PPIL6: variants seen among roughly 807,000 people sequenced by gnomAD.
PPIL6 encodes probable inactive peptidyl-prolyl cis-trans isomerase-like 6.
PPIL6 carries 39 observed loss-of-function variants against 36.8 expected under a neutral mutation model. The ratio of observed to expected loss-of-function variants is 1.06; its 90% CI spans 0.82 to 1.38. PPIL6 has a LOEUF of 1.38. Among genes scored for constraint, PPIL6 ranks in the 40% most tolerant of loss-of-function variants. PPIL6 has a pLI of 0.00. For synonymous variants in PPIL6, 123 were observed against 134.1 expected (o/e 0.92, Z 0.57); for missense variants, 368 against 379.1 (o/e 0.97, Z 0.24).
chr6:109,392,461 C>T lies in PPIL6; in HGVS notation c.*365G>A, dbSNP rs1772129900. The T allele has an allele frequency of 5.7e-6, 1 of 176,106 alleles. No individual in the cohort carries two copies. Among genetic ancestry groups the T allele is most frequent in the South Asian group, 1.6e-4 (1 of 6,066 alleles). 10.9% of individuals were successfully genotyped at this position (176,106 alleles called of 1,614,324 possible). A position where few individuals can be genotyped will look rare whatever the true frequency, so the allele number is the denominator to read the frequency against. ...GGATTACAGGCGTGAGCTACCACAC[C>T]TGGCCTCAGCCTTTTCTTTATGGCC... On this transcript the variant is annotated 3_prime_UTR_variant, in exon 8 of 8. Transcript: ENST00000521072.
At position 109,392,739 on chromosome 6, in the gene PPIL6, A is replaced by G; in HGVS notation, c.*87T>C. The G allele has an allele frequency of 1.2e-6, 1 of 845,394 alleles. No individual in the cohort carries two copies. The highest frequency in any genetic ancestry group is 2.6e-5 in the East Asian group (1 of 38,384). The allele number at this position is 845,394 out of a possible 1,614,324, so 52.4% of individuals were successfully genotyped here. On this transcript the variant is annotated 3_prime_UTR_variant, in exon 8 of 8. Transcript: ENST00000521072. ...GTGTCTGCCACGGCTTTCAAATTACAATTTATCAAGTACTTTTTAATTAAA... is the reference window on the plus strand; with the variant it reads ...GTGTCTGCCACGGCTTTCAAATTACGATTTATCAAGTACTTTTTAATTAAA...
At chr6:109,427,296 A>G (rs1773875504) in intron 3 of PPIL6, 140 bp from the exon 4 acceptor site, 2 of 542,866 alleles carry the variant, frequency 3.7e-6, no homozygotes, top group Non-Finnish European at 6.6e-6. Context: ...ATTACAGTAA[A>G]ATTAAGTGAA....
intron 1 of PPIL6, among the ~76,000 whole-genome samples, chr6:109,438,780 G>C (rs1286687399): frequency 6.6e-6 from 1 of 152,038 alleles, no homozygotes; most frequent in African/African-American, 2.4e-5. Flanking sequence ...GTAGAGATGG[G>C]GTTTCACCAT....
intron 2 of PPIL6, among the ~76,000 whole-genome samples, chr6:109,433,005 C>T (rs1406025466): frequency 6.6e-6 from 1 of 152,104 alleles, no homozygotes; most frequent in Non-Finnish European, 1.5e-5. Context: ...GTCGATACTT[C>T]CTGGAGTGTT....
rs36099706 is a variant in PPIL6, at chr6:109,413,713, A to C, written c.688+5474T>G. Among the ~76,000 whole-genome samples, 49,934 of 152,122 alleles carry C rather than the reference A, an allele frequency of 0.33. 8,175 individuals carry two copies. The highest frequency in any genetic ancestry group is 0.42 in the Middle Eastern group (124 of 294). ...ATTGCCAAGATTTGGAAGCTACCTA[A>C]GTGTCCATCAACAGAAGAATGGATA... On this transcript the variant is annotated intron_variant, in intron 6 of 7. Coordinates refer to ENST00000521072, the MANE Select transcript of PPIL6 (RefSeq NM_173672.5). The surrounding 1 kb of genome is among the most constrained non-coding windows in gnomAD (Gnocchi z 4.6).
chr6:109,408,310 C>G (rs932751597), intron 6 of PPIL6, among the ~76,000 whole-genome samples: 1 of 151,978 alleles, frequency 6.6e-6, no homozygotes, highest in Non-Finnish European at 1.5e-5. Flanking sequence ...GCTCTTTTTC[C>G]CTAGATGCCC....
At chr6:109,401,720 G>A (rs1178593845) in intron 6 of PPIL6, among the ~76,000 whole-genome samples, 1 of 129,204 alleles carries the variant, frequency 7.7e-6, no homozygotes, top group East Asian at 2.3e-4. Context: ...AAGACTCAGA[G>A]AGTTTTTCTT....
chr6:109,399,652 C>T (rs1772446862), intron 7 of PPIL6, among the ~76,000 whole-genome samples: 1 of 152,150 alleles, frequency 6.6e-6, no homozygotes, highest in Non-Finnish European at 1.5e-5. Context: ...ATTCACCTGC[C>T]TTGGCCTGCC....
chr6:109,402,030 A>T (rs1009859507), intron 6 of PPIL6, among the ~76,000 whole-genome samples: 8 of 152,028 alleles, frequency 5.3e-5, no homozygotes, highest in Admixed American at 6.6e-5. Context: ...GCCCAGATTC[A>T]GAGAGTTTTA....
At chr6:109,396,186 C>G (rs1006466219) in intron 7 of PPIL6, among the ~76,000 whole-genome samples, 5 of 152,206 alleles carry the variant, frequency 3.3e-5, no homozygotes, top group Non-Finnish European at 7.3e-5. Flanking sequence ...AGCAGGACTT[C>G]ATTTATGGCC....
chr6:109,397,803 C>T (rs1326524425), intron 7 of PPIL6, among the ~76,000 whole-genome samples: 4 of 151,700 alleles, frequency 2.6e-5, no homozygotes, highest in African/African-American at 4.8e-5. Flanking sequence ...TGGTAGAGGA[C>T]AGAGACTGTC....
rs35305087 is a variant in PPIL6 at position 109,395,831 on chromosome 6, C to CTT, written c.825-2896_825-2895dup. Among the ~76,000 whole-genome samples the CTT allele has an allele frequency of 6.6e-5, 7 of 106,562 alleles. No homozygotes were observed. In the East Asian group the frequency reaches 1.1e-3, roughly 17 times the overall value. The allele number at this position is 106,562 out of a possible 152,430, so 69.9% of individuals were successfully genotyped here. A position where few individuals can be genotyped will look rare whatever the true frequency, so the allele number is the denominator to read the frequency against. On this transcript the variant is annotated intron_variant, in intron 7 of 7. Transcript: ENST00000521072. ...ATGTTGGCCAGGATGGTCTCGATCTCTTTTTTTTTTTTTTTTTTTCCTGAG... is the reference window on the plus strand; with the variant it reads ...ATGTTGGCCAGGATGGTCTCGATCTCTTTTTTTTTTTTTTTTTTTTTCCTGAG...
intron 5 of PPIL6, among the ~76,000 whole-genome samples, chr6:109,421,192 G>A (rs540598487): frequency 1.3e-5 from 2 of 152,122 alleles, no homozygotes; most frequent in South Asian, 4.1e-4. Flanking sequence ...AGATCTCCTA[G>A]GTGAATATTT....
chr6:109,435,979 A>G, intron 2 of PPIL6, 125 bp downstream of exon 2: 2 of 731,262 alleles, frequency 2.7e-6, no homozygotes, highest in Admixed American at 4.4e-5. Context: ...AAAAGTACGT[A>G]ATGTAGAGAA....
At chr6:109,438,047 T>C (rs1333165144) in intron 1 of PPIL6, among the ~76,000 whole-genome samples, 1 of 152,216 alleles carries the variant, frequency 6.6e-6, no homozygotes. Flanking sequence ...TGTTTGGTTT[T>C]TACATTTTGT....
At position 109,426,879 on chromosome 6, in the gene PPIL6, C is replaced by G. The variant is rs143614248; in HGVS notation, c.599G>C (p.Arg200Pro). The G allele has an allele frequency of 6.3e-7, 1 of 1,599,652 alleles. No homozygotes were observed. The highest frequency in any genetic ancestry group is 1.3e-5 in the African/African-American group (1 of 74,708). ...RLHYKNSIFHRIVQNGWIQGG... is the reference protein window; with the variant it reads ...RLHYKNSIFHPIVQNGWIQGG... Reference sequence around the variant, plus strand: ...TTGTATCCAGCCATTCTGTACTATTCGATGAAAAATGGAATTTTTGTAATG... The same window carrying G: ...TTGTATCCAGCCATTCTGTACTATTGGATGAAAAATGGAATTTTTGTAATG... The change falls in exon 5 of 8, where the codon CGA (arginine) becomes CCA (proline). Residue 200 changes from arginine to proline, a missense_variant. Transcript: ENST00000521072.
At chr6:109,407,682 C>T (rs1282259778) in intron 6 of PPIL6, among the ~76,000 whole-genome samples, 1 of 152,144 alleles carries the variant, frequency 6.6e-6, no homozygotes, top group Non-Finnish European at 1.5e-5. Context: ...ATTACATATA[C>T]AACAGTCTCA....
chr6:109,416,200 CTTTTTTTTTT>C (rs35427534), intron 6 of PPIL6, among the ~76,000 whole-genome samples: 6 of 112,532 alleles, frequency 5.3e-5, no homozygotes, highest in Admixed American at 1.9e-4. Flanking sequence ...TCTTTTGTGG[CTTTTTTTTTT>C]TTTTTTTTTG....
chr6:109,428,075 T>C (rs936373392), intron 3 of PPIL6, among the ~76,000 whole-genome samples: 11 of 152,226 alleles, frequency 7.2e-5, no homozygotes, highest in Non-Finnish European at 1.3e-4. Context: ...AATACCCTCA[T>C]GTGCACAGAT....
Sources: allele counts gnomAD v4.1 joint callset (sites outside exome capture counted in the v4.1 genomes callset), GRCh38; gene constraint gnomAD v4.1.1; non-coding constraint Gnocchi (gnomAD v3.1); transcripts MANE v1.5; gene names NCBI Gene and HGNC (gene_info 2026-07-23, HGNC 2026-07-21).